Variants in ZNF577 observed in about 807,000 individuals in gnomAD.
ZNF577 encodes the protein zinc finger protein 577.
A neutral mutation model predicts 13.9 loss-of-function variants in ZNF577; 14 were observed. That is an observed-to-expected ratio of 1.00 (90% CI 0.66 to 1.57). The LOEUF is 1.57. Among genes scored for constraint, ZNF577 ranks in the 40% most tolerant of loss-of-function variants. The pLI, the probability that ZNF577 is intolerant of heterozygous loss-of-function variation, is 0.00. For missense variants in ZNF577, 555 were observed against 579.2 expected (o/e 0.96, Z 0.43); for synonymous variants, 203 against 202.9 (o/e 1.00, Z 0.00).
Position 51,869,784 on chromosome 19 carries a change from G to A in ZNF577, c.*2748C>T, listed in dbSNP as rs2084629285. Among the ~76,000 whole-genome samples, 1 of 152,204 alleles carries A rather than the reference G, an allele frequency of 6.6e-6. No individual in the cohort carries two copies. The highest frequency in any genetic ancestry group is 1.5e-5 in the Non-Finnish European group (1 of 68,028). On this transcript the variant is annotated 3_prime_UTR_variant, in exon 6 of 6. Transcript: ENST00000638348. ...GTCAAGACACACCAGCCGCTAACTA[G>A]AATAAGTTGTTAGGCCTCCTAACTG... is the stretch of plus-strand genomic sequence containing the variant.
chr19:51,883,167 A>G (rs2084890154), intron 1 of ZNF577, among the ~76,000 whole-genome samples: 1 of 151,656 alleles, frequency 6.6e-6, no homozygotes, highest in African/African-American at 2.4e-5. Context: ...TAATTTTTGT[A>G]TTTGTAGTAA....
chr19:51,876,039 G>C (rs966064398), intron 5 of ZNF577, among the ~76,000 whole-genome samples: 1 of 152,188 alleles, frequency 6.6e-6, no homozygotes, highest in Admixed American at 6.5e-5. Flanking sequence ...GGAGGGAAAG[G>C]ATTTTCCAGG....
intron 9 of ZNF577, among the ~76,000 whole-genome samples, chr19:51,819,692 A>G (rs979216717): frequency 2.7e-5 from 4 of 150,848 alleles, no homozygotes; most frequent in Non-Finnish European, 5.9e-5. Flanking sequence ...GTGAGGTGAG[A>G]AAAAAAAAGC....
chr19:51,837,170 T>G (rs2084292433), intron 9 of ZNF577, among the ~76,000 whole-genome samples: 1 of 152,144 alleles, frequency 6.6e-6, no homozygotes, highest in Admixed American at 6.5e-5. Flanking sequence ...TGAAGGTGTG[T>G]TCCAGGGAAC....
rs146833429 is a variant in ZNF577, at chr19:51,814,789, G to A, written c.*600-3115C>T. The stretch of plus-strand genomic sequence containing the variant: ...ATTACAGGCATGAGCCACTGCACTC[G>A]GCCTAAAAACCACTTTTTTTGTTTG... On this transcript the variant is annotated intron_variant and NMD_transcript_variant, in intron 9 of 10. Coordinates refer to the ZNF577 transcript ENST00000638827. 6.1e-5 allele frequency among the ~76,000 whole-genome samples: 9 copies of A among 147,988 alleles called. No homozygotes were observed. The East Asian group carries it at 6.2e-4, about 10-fold the overall frequency.
intron 9 of ZNF577, among the ~76,000 whole-genome samples, chr19:51,817,389 AAG>A (rs910161184): frequency 3.3e-5 from 5 of 150,830 alleles, no homozygotes; most frequent in Admixed American, 1.3e-4. Context: ...AGAAATCATA[AAG>A]AGAGAGAGAG....
chr19:51,857,372 A>G (rs2084438583), intron 5 of ZNF577, among the ~76,000 whole-genome samples: 1 of 88,710 alleles, frequency 1.1e-5, no homozygotes, highest in Admixed American at 1.2e-4. Context: ...GAAGGAAAGA[A>G]AGAAAGAAAG....
chr19:51,875,107 G>A (rs1322266478), intron 5 of ZNF577, among the ~76,000 whole-genome samples: 1 of 152,038 alleles, frequency 6.6e-6, no homozygotes, highest in Non-Finnish European at 1.5e-5. Flanking sequence ...AGTGCTTCAC[G>A]TCTGTAGTCC....
intron 5 of ZNF577, among the ~76,000 whole-genome samples, chr19:51,853,632 T>C (rs2084390962): frequency 6.6e-6 from 1 of 152,210 alleles, no homozygotes; most frequent in South Asian, 2.1e-4. Flanking sequence ...GTTCTGAACC[T>C]GGCCATATGA....
intron 5 of ZNF577, among the ~76,000 whole-genome samples, chr19:51,876,769 T>C (rs1158208329): frequency 1.3e-5 from 2 of 151,120 alleles, no homozygotes; most frequent in Admixed American, 6.6e-5. Context: ...CTACAAAAAA[T>C]ACAAAAAAAT....
intron 9 of ZNF577, among the ~76,000 whole-genome samples, chr19:51,821,691 T>C (rs1295612747): frequency 6.6e-6 from 1 of 152,044 alleles, no homozygotes; most frequent in East Asian, 1.9e-4. Flanking sequence ...AATGCAGCAT[T>C]TTAGAGTTGC....
intron 9 of ZNF577, among the ~76,000 whole-genome samples, chr19:51,831,535 C>T (rs1015570024): frequency 2.0e-5 from 3 of 152,190 alleles, no homozygotes; most frequent in Non-Finnish European, 4.4e-5. Flanking sequence ...CATCATCATC[C>T]GGACCACTAC....
At chr19:51,815,357 C>T (rs1195635271) in intron 9 of ZNF577, among the ~76,000 whole-genome samples, 3 of 151,946 alleles carry the variant, frequency 2.0e-5, no homozygotes, top group East Asian at 1.9e-4. Flanking sequence ...GTCAGGAATT[C>T]GAGACCAGCC....
At chr19:51,860,487 G>A (rs944578817) in intron 5 of ZNF577, 1 of 152,666 alleles carries the variant, frequency 6.6e-6, no homozygotes, top group African/African-American at 2.4e-5. Flanking sequence ...TCTGATAACT[G>A]AGTTAGGGGG....
At chr19:51,836,251 C>A (rs535637088) in intron 9 of ZNF577, among the ~76,000 whole-genome samples, 1 of 152,312 alleles carries the variant, frequency 6.6e-6, no homozygotes, top group South Asian at 2.1e-4. Context: ...TGTAGTATTT[C>A]TGGAGTATCT....
intron 9 of ZNF577, among the ~76,000 whole-genome samples, chr19:51,832,973 A>C (rs190500456): frequency 2.9e-4 from 44 of 152,300 alleles, no homozygotes; most frequent in African/African-American, 9.9e-4. Context: ...CCTTTTCAAA[A>C]GTAATTTGGC....
At chr19:51,858,130 T>G (rs546151148) in intron 5 of ZNF577, among the ~76,000 whole-genome samples, 1 of 152,312 alleles carries the variant, frequency 6.6e-6, no homozygotes, top group Non-Finnish European at 1.5e-5. Context: ...TGGTCCTCAA[T>G]CTATATTCAG....
At chr19:51,826,439 G>A (rs1412249485) in intron 9 of ZNF577, among the ~76,000 whole-genome samples, 1 of 152,186 alleles carries the variant, frequency 6.6e-6, no homozygotes, top group Non-Finnish European at 1.5e-5. Context: ...TTTTTGGGAA[G>A]GCTTTTAAAT....
intron 1 of ZNF577, among the ~76,000 whole-genome samples, chr19:51,881,693 G>A (rs1038905520): frequency 7.9e-5 from 12 of 152,032 alleles, no homozygotes; most frequent in South Asian, 6.2e-4. Flanking sequence ...TTTACACTGC[G>A]GGGTGGCCAC....
Sources: gnomAD v4.1 joint callset for allele counts (sites outside exome capture counted in the v4.1 genomes callset) on GRCh38, gnomAD v4.1.1 for gene constraint, MANE v1.5 for transcripts, NCBI Gene and HGNC (gene_info 2026-07-23, HGNC 2026-07-21) for gene names.